The following PRDM16 variants were observed in gnomAD, a reference collection of about 807,000 sequenced individuals.
The protein encoded by PRDM16 is PR/SET domain 16, also known as histone-lysine N-methyltransferase PRDM16.
A neutral mutation model predicts 110.6 loss-of-function variants in PRDM16; 23 were observed. The ratio of observed to expected loss-of-function variants is 0.21; its 90% confidence interval spans 0.15 to 0.29. PRDM16 has a LOEUF of 0.29. Among genes scored for constraint, PRDM16 ranks in the 10% least tolerant of loss-of-function variants. PRDM16 has a pLI of 1.00. For missense variants in PRDM16, 1,615 were observed against 1,794.3 expected, an observed-to-expected ratio of 0.90 and a Z score of 1.81; for synonymous variants, 799 against 781.8, an observed-to-expected ratio of 1.02 and a Z score of -0.37.
chr1:3,251,019 G>A (rs529093445), intron 3 of PRDM16, among the ~76,000 whole-genome samples: 2 of 152,312 alleles, frequency 1.3e-5, no homozygotes, highest in Admixed American at 6.5e-5. Context: ...CTTCTATTGT[G>A]CTGAGGCTTT....
chr1:3,205,769 G>A (rs547034932), intron 2 of PRDM16, among the ~76,000 whole-genome samples: 15 of 152,242 alleles, frequency 9.9e-5, no homozygotes, highest in African/African-American at 3.4e-4. Context: ...GGCTAGAACC[G>A]GCTTCCTGGC....
intron 3 of PRDM16, among the ~76,000 whole-genome samples, chr1:3,272,668 G>A (rs181003746): frequency 1.3e-5 from 2 of 152,312 alleles, no homozygotes; most frequent in Non-Finnish European, 2.9e-5. Flanking sequence ...TTCTGCATTC[G>A]TTCAGGAAGA....
At position 3,433,884 on chromosome 1, in the gene PRDM16, C is replaced by G. The variant is rs2483248; in HGVS notation, c.*73C>G. On this transcript the variant is annotated 3_prime_UTR_variant, in exon 17 of 17. Transcript: ENST00000270722. ...CGAAGGACGGAGGCGGGCGGGGCCC[C>G]GGAGAACCCTGTCCCTGCGTGTGGC... 5.2e-6 allele frequency: 8 copies of G among 1,532,140 alleles called. No homozygotes were observed. The highest frequency in any genetic ancestry group is 7.1e-6 in the Non-Finnish European group (8 of 1,126,482). 94.9% of individuals were successfully genotyped at this position (1,532,140 alleles called of 1,614,324 possible).
chr1:3,409,905 TGTG>T (rs1415572137), intron 8 of PRDM16, among the ~76,000 whole-genome samples: 145 of 114,296 alleles, frequency 1.3e-3, no homozygotes, highest in African/African-American at 4.9e-3. Context: ...GTGGTGTGGT[TGTG>T]GGTGTGGTGT....
intron 2 of PRDM16, among the ~76,000 whole-genome samples, chr1:3,222,002 T>G (rs192171998): frequency 1.1e-4 from 16 of 152,338 alleles, no homozygotes; most frequent in African/African-American, 3.1e-4. Flanking sequence ...GCGTCTTATC[T>G]GCTCCCTAGA....
chr1:3,128,170 C>T (rs1170442703), intron 1 of PRDM16: 2 of 154,520 alleles, frequency 1.3e-5, no homozygotes, highest in Non-Finnish European at 2.9e-5. Context: ...AGATCTGGGT[C>T]TGGTTCCGTA....
At chr1:3,230,726 C>T (rs6424070) in intron 2 of PRDM16, among the ~76,000 whole-genome samples, 42,115 of 152,140 alleles carry the variant, frequency 0.28, 9,579 homozygotes, top group African/African-American at 0.62. Flanking sequence ...GTGTTCCCAG[C>T]AGCCCTGCCT....
chr1:3,270,188 G>T (rs1264460707), intron 3 of PRDM16, among the ~76,000 whole-genome samples: 1 of 148,468 alleles, frequency 6.7e-6, no homozygotes, highest in Non-Finnish European at 1.5e-5. Flanking sequence ...GAGGACAGTC[G>T]GGGAAGACAG....
At chr1:3,355,499 G>A (rs1642577347) in intron 3 of PRDM16, among the ~76,000 whole-genome samples, 1 of 152,158 alleles carries the variant, frequency 6.6e-6, no homozygotes, top group African/African-American at 2.4e-5. Context: ...TAGGTCTCAG[G>A]GGCTCTGCTG....
intron 3 of PRDM16, among the ~76,000 whole-genome samples, chr1:3,266,050 G>A (rs957891450): frequency 2.0e-5 from 3 of 152,202 alleles, no homozygotes; most frequent in Admixed American, 6.5e-5. Flanking sequence ...CATCCAGGGC[G>A]GTGTGCGGCC....
intron 2 of PRDM16, among the ~76,000 whole-genome samples, chr1:3,191,748 G>A (rs1012217986): frequency 6.6e-6 from 1 of 152,238 alleles, no homozygotes; most frequent in Non-Finnish European, 1.5e-5. Context: ...TGACGATGGA[G>A]TGGGGTGAGG....
At position 3,377,447 on chromosome 1, in the gene PRDM16, G is replaced by T. The variant is rs114821334; in HGVS notation, c.439-7705G>T. ...AGAAGAGAGCCCACAAATTAGAAGT[G>T]CAGGAAACCTCAAATTATATGCAAA... On this transcript the variant is annotated intron_variant, in intron 3 of 16. Transcript: ENST00000270722. Among the ~76,000 whole-genome samples the T allele has an allele frequency of 4.0e-3, 609 of 152,262 alleles. 11 individuals carry two copies. In the South Asian group the frequency reaches 0.044, roughly 11 times the overall value.
At chr1:3,225,853 G>T (rs1284926419) in intron 2 of PRDM16, among the ~76,000 whole-genome samples, 1 of 152,218 alleles carries the variant, frequency 6.6e-6, no homozygotes, top group East Asian at 1.9e-4. Context: ...CGCCGGGGCA[G>T]CCAGATGTGT....
chr1:3,206,989 A>G lies in PRDM16; in HGVS notation c.387+20515A>G, dbSNP rs764913555. On this transcript the variant is annotated intron_variant, in intron 2 of 16. Coordinates refer to ENST00000270722, the MANE Select transcript of PRDM16 (RefSeq NM_022114.4). The surrounding 1 kb of genome is among the most constrained non-coding windows in gnomAD (Gnocchi z 4.9). Reference sequence around the variant, plus strand: ...CATAGAGGACAGCAATGCCGCCCGCATGTCCCCACATGGACCTGCTTCCAG... The same window carrying G: ...CATAGAGGACAGCAATGCCGCCCGCGTGTCCCCACATGGACCTGCTTCCAG... 6.6e-6 allele frequency: 1 copy of G among 152,358 alleles called. No individual in the cohort carries two copies. Among genetic ancestry groups the G allele is most frequent in the East Asian group, 1.9e-4 (1 of 5,164 alleles). The allele number at this position is 152,358 out of a possible 1,614,324, so 9.4% of individuals were successfully genotyped here. A position where few individuals can be genotyped will look rare whatever the true frequency, so the allele number is the denominator to read the frequency against.
chr1:3,221,547 G>T (rs2651895), intron 2 of PRDM16, among the ~76,000 whole-genome samples: 10,896 of 152,288 alleles, frequency 0.072, 896 homozygotes, highest in African/African-American at 0.19. Context: ...GGTCGGGCCA[G>T]CAGTCACAGA....
intron 3 of PRDM16, among the ~76,000 whole-genome samples, chr1:3,272,614 G>A (rs1379318443): frequency 1.3e-5 from 2 of 152,216 alleles, no homozygotes; most frequent in Non-Finnish European, 2.9e-5. Flanking sequence ...CAGCTCCCGT[G>A]TGCAGGTCCC....
At chr1:3,331,725 G>A (rs922871000) in intron 3 of PRDM16, among the ~76,000 whole-genome samples, 5 of 152,186 alleles carry the variant, frequency 3.3e-5, no homozygotes, top group East Asian at 3.9e-4. Flanking sequence ...CCTGGCACCC[G>A]GACCCAGGGC....
intron 3 of PRDM16, among the ~76,000 whole-genome samples, chr1:3,273,945 G>A (rs1454785112): frequency 1.7e-5 from 2 of 118,916 alleles, no homozygotes; most frequent in East Asian, 2.3e-4. Flanking sequence ...CCCAGGCACC[G>A]TTCTCTCACC....
intron 12 of PRDM16, among the ~76,000 whole-genome samples, chr1:3,424,499 G>A (rs1638535645): frequency 6.6e-6 from 1 of 152,246 alleles, no homozygotes; most frequent in African/African-American, 2.4e-5. Context: ...TGCCGTGGAG[G>A]CCAGATGGAG....
Sources: allele counts gnomAD v4.1 joint callset (sites outside exome capture counted in the v4.1 genomes callset), GRCh38; gene constraint gnomAD v4.1.1; non-coding constraint Gnocchi (gnomAD v3.1); transcripts MANE v1.5; gene names NCBI Gene and HGNC (gene_info 2026-07-23, HGNC 2026-07-21).